The following CACNA2D4 variants were observed in gnomAD, a reference collection of about 807,000 sequenced individuals.
CACNA2D4 encodes the protein voltage-dependent calcium channel subunit alpha-2/delta-4.
A neutral mutation model predicts 163.8 loss-of-function variants in CACNA2D4; 157 were observed. That is an observed-to-expected ratio of 0.96 (90% confidence interval 0.84 to 1.09). CACNA2D4 has a LOEUF of 1.09. CACNA2D4 is among the 50% of genes least tolerant of loss of function. CACNA2D4 has a pLI of 0.00. For synonymous variants in CACNA2D4, 598 were observed against 586.9 expected (o/e 1.02, Z -0.27); for missense variants, 1,410 against 1,479.9 (o/e 0.95, Z 0.78).
intron 27 of CACNA2D4, 23 bp from the exon 28 acceptor site, chr12:1,810,610 A>C (rs946418949): frequency 6.4e-7 from 1 of 1,552,130 alleles, no homozygotes; most frequent in African/African-American, 1.4e-5. Flanking sequence ...GGAGAGACTG[A>C]ATGTGGACAC....
intron 18 of CACNA2D4, among the ~76,000 whole-genome samples, chr12:1,871,494 CAT>C (rs1396186004): frequency 5.0e-5 from 7 of 141,062 alleles, no homozygotes; most frequent in Admixed American, 1.4e-4. Flanking sequence ...TGCATATGTA[CAT>C]GTGTGTGTTG....
chr12:1,899,838 C>A (rs1426343598), intron 6 of CACNA2D4, among the ~76,000 whole-genome samples: 1 of 151,832 alleles, frequency 6.6e-6, no homozygotes, highest in Non-Finnish European at 1.5e-5. Flanking sequence ...ATTAAGGGAC[C>A]ATTTCACTTA....
At position 1,806,924 on chromosome 12, in the gene CACNA2D4, T is replaced by A. The variant is rs1390967096; in HGVS notation, c.2721+3354A>T. On this transcript the variant is annotated intron_variant, in intron 29 of 37. Transcript: ENST00000382722. The surrounding 1 kb of genome is among the most constrained non-coding windows in gnomAD (Gnocchi z 4.1). ...CAGGCCCTGTGGCCCTCGATGGCAC[T>A]TGTGTGTTTGGGGAAGAGGGGCAGG... Among the ~76,000 whole-genome samples the A allele has an allele frequency of 6.6e-6, 1 of 151,908 alleles. No individual in the cohort carries two copies. The highest frequency in any genetic ancestry group is 2.4e-5 in the African/African-American group (1 of 41,352).
rs1395527376 is a variant in CACNA2D4 at position 1,882,930 on chromosome 12, G to C, written c.1422C>G (p.Ser474Arg). The change falls in exon 13 of 38, where the codon AGC becomes AGG. Residue 474 changes from serine (S) to arginine (R), a missense_variant. Transcript: ENST00000382722. The stretch of plus-strand genomic sequence containing the variant: ...GGTCGTGGTTGATGACCATGGGGCG[G>C]CTGAGCACGTGCAGGTATTCCATCA... ...ENVMEYLHVL[S>R]RPMVINHDHD... 3 of 1,613,602 alleles carry C rather than the reference G, an allele frequency of 1.9e-6. No homozygotes were observed.
intron 29 of CACNA2D4, among the ~76,000 whole-genome samples, chr12:1,804,966 A>G (rs1863481378): frequency 6.6e-6 from 1 of 152,256 alleles, no homozygotes; most frequent in African/African-American, 2.4e-5. Flanking sequence ...CCCGACTCAA[A>G]TACAGTCCCT....
intron 26 of CACNA2D4, among the ~76,000 whole-genome samples, chr12:1,817,861 T>G (rs1863930188): frequency 6.6e-6 from 1 of 151,968 alleles, no homozygotes; most frequent in Non-Finnish European, 1.5e-5. Context: ...CCGCCTGCCT[T>G]GGCCTCCCAA....
At chr12:1,836,983 C>T (rs1425364753) in intron 26 of CACNA2D4, among the ~76,000 whole-genome samples, 1 of 152,238 alleles carries the variant, frequency 6.6e-6, no homozygotes, top group Non-Finnish European at 1.5e-5. Context: ...GCAGTGAGCT[C>T]ATGGCCTGGC....
intron 5 of CACNA2D4, 149 bp from the exon 6 acceptor site, chr12:1,907,720 G>GGCCTGGTGGGCGT (rs377491437): frequency 5.9e-6 from 7 of 1,186,772 alleles, no homozygotes; most frequent in South Asian, 1.4e-5. Context: ...TCTGGTGGAC[G>GGCCTGGTGGGCGT]GCCTGGTGGG....
At chr12:1,915,351 T>C (rs2154453221) in intron 1 of CACNA2D4, 1 of 662,418 alleles carries the variant, frequency 1.5e-6, no homozygotes, top group Non-Finnish European at 2.7e-6. Flanking sequence ...AGGACTGAGC[T>C]TGACCCCAAG....
chr12:1,918,377 G>A lies in CACNA2D4; in HGVS notation c.97C>T (p.Arg33Cys), dbSNP rs773822772. Residue 33 changes from arginine (R) to cysteine (C), a missense_variant, in exon 1 of 38, where the codon CGC becomes TGC. Coordinates refer to ENST00000382722, the MANE Select transcript of CACNA2D4 (RefSeq NM_172364.5). ...GGCATTGGCTGGAGGGGAATCCAGC[G>A]GCTGCTGGAGCTGGGGTTTGCGAGG... Reference protein sequence around the residue: ...NFLANPSSSSRWIPLQPMPVA... With the variant: ...NFLANPSSSSCWIPLQPMPVA... 1.4e-5 allele frequency: 23 copies of A among 1,603,426 alleles called. No individual in the cohort carries two copies. Among genetic ancestry groups the A allele is most frequent in the South Asian group, 5.6e-5 (5 of 89,200 alleles).
Position 1,834,630 on chromosome 12 carries a change from A to G in CACNA2D4, c.2551+6109T>C, listed in dbSNP as rs1166244301. On this transcript the variant is annotated intron_variant, in intron 26 of 37. Coordinates refer to ENST00000382722, the MANE Select transcript of CACNA2D4 (RefSeq NM_172364.5). This position sits in a 1 kb window ranked among gnomAD's most constrained non-coding sequence, Gnocchi z 7.6. ...TGCATCTACGCCTCCCTCATGGCCA[A>G]GTACCACCGGGAGCTCAAAAAGCGC... is the stretch of plus-strand genomic sequence containing the variant. 1.9e-6 allele frequency: 3 copies of G among 1,600,320 alleles called. No individual in the cohort carries two copies. The highest frequency in any genetic ancestry group is 1.1e-5 in the South Asian group (1 of 91,078).
chr12:1,878,385 C>A lies in CACNA2D4; in HGVS notation c.1649G>T (p.Gly550Val). The A allele has an allele frequency of 6.2e-7, 1 of 1,601,324 alleles. No homozygotes were observed. The change falls in exon 16 of 38, where the codon GGA becomes GTA. Residue 550 changes from glycine (G) to valine (V), a missense_variant. Transcript: ENST00000382722. This position sits in a 1 kb window ranked among gnomAD's most constrained non-coding sequence, Gnocchi z 4.6. ...LMKLAPRYKL[G>V]VHGYAFLNTN... The stretch of plus-strand genomic sequence containing the variant: ...GTTCAGAAAGGCGTATCCGTGCACT[C>A]CAAGCTGCCAGAGTCCAGGGTGGAG...
rs1347668261 is a variant in CACNA2D4, at chr12:1,878,371, C to T, written c.1663G>A (p.Ala555Thr). 3.1e-6 allele frequency: 5 copies of T among 1,606,230 alleles called. No homozygotes were observed. The highest frequency in any genetic ancestry group is 4.2e-6 in the Non-Finnish European group (5 of 1,176,532). The part of the protein sequence containing the change: ...PRYKLGVHGY[A>T]FLNTNNGYIL... ...TAGCCATTGTTGGTGTTCAGAAAGGCGTATCCGTGCACTCCAAGCTGCCAG... is the reference window on the plus strand; with the variant it reads ...TAGCCATTGTTGGTGTTCAGAAAGGTGTATCCGTGCACTCCAAGCTGCCAG... Residue 555 changes from alanine to threonine, a missense_variant, in exon 16 of 38, where the codon GCC becomes ACC. Coordinates refer to ENST00000382722, the MANE Select transcript of CACNA2D4 (RefSeq NM_172364.5). The surrounding 1 kb of genome is among the most constrained non-coding windows in gnomAD (Gnocchi z 4.6).
At chr12:1,900,587 C>T (rs1231194937) in intron 6 of CACNA2D4, among the ~76,000 whole-genome samples, 2 of 152,118 alleles carry the variant, frequency 1.3e-5, no homozygotes, top group Admixed American at 6.6e-5. Context: ...TATCTTAGGG[C>T]CTAGCAATTC....
intron 4 of CACNA2D4, 129 bp from the exon 5 acceptor site, chr12:1,908,166 C>G (rs1866714063): frequency 2.1e-6 from 2 of 954,994 alleles, no homozygotes. Flanking sequence ...TCTACACAAG[C>G]ACCCGCGGCG....
At chr12:1,809,388 C>T in intron 29 of CACNA2D4, 1 of 621,028 alleles carries the variant, frequency 1.6e-6, no homozygotes, top group South Asian at 1.9e-5. Context: ...GTCGCTTGCC[C>T]ACATCACGTT....
At chr12:1,859,977 C>T (rs1865487611) in intron 19 of CACNA2D4, among the ~76,000 whole-genome samples, 168 bp downstream of exon 19, 1 of 152,224 alleles carries the variant, frequency 6.6e-6, no homozygotes, top group Non-Finnish European at 1.5e-5. Flanking sequence ...GGCAGTTTGG[C>T]TCTGGAACCT....
intron 27 of CACNA2D4, 66 bp downstream of exon 27, chr12:1,811,596 G>A: frequency 6.8e-7 from 1 of 1,472,192 alleles, no homozygotes; most frequent in East Asian, 2.5e-5. Flanking sequence ...GGGAGGGAGA[G>A]GGGGTCTCAC....
intron 6 of CACNA2D4, among the ~76,000 whole-genome samples, chr12:1,891,773 A>G (rs1050438254): frequency 6.6e-6 from 1 of 152,130 alleles, no homozygotes; most frequent in African/African-American, 2.4e-5. Flanking sequence ...TGAAGAATTC[A>G]TTAAATGAAA....
Sources: allele counts gnomAD v4.1 joint callset (sites outside exome capture counted in the v4.1 genomes callset), GRCh38; gene constraint gnomAD v4.1.1; non-coding constraint Gnocchi (gnomAD v3.1); transcripts MANE v1.5; gene names NCBI Gene and HGNC (gene_info 2026-07-23, HGNC 2026-07-21).